The following SEPTIN7 variants were observed in gnomAD, a reference collection of about 807,000 sequenced individuals.
The protein encoded by SEPTIN7 is septin 7, also known as septin-7.
In SEPTIN7, 10 loss-of-function variants were observed where a neutral mutation model predicts 63.3. The observed-to-expected ratio is 0.16, with a 90% CI of 0.10 to 0.27. The LOEUF is 0.27. Among genes scored for constraint, SEPTIN7 ranks in the 10% least tolerant of loss-of-function variants. The pLI, the probability that SEPTIN7 is intolerant of heterozygous loss-of-function variation, is 1.00. For synonymous variants in SEPTIN7, 131 were observed against 165.3 expected (o/e 0.79, Z 1.59); for missense variants, 310 against 521.0 (o/e 0.59, Z 3.94).
rs1788585228 is a variant in SEPTIN7 at position 35,905,845 on chromosome 7, CT to C, written c.*1556del. The C allele has an allele frequency of 6.6e-6, 1 of 152,132 alleles. No homozygotes were observed. 9.4% of individuals were successfully genotyped at this position (152,132 alleles called of 1,614,324 possible). The stretch of plus-strand genomic sequence containing the variant: ...AACTGTAAAGAGGGTAGTGTCATTT[CT>C]TTTCTTAAGGTCAAGTGACATAGAT... On this transcript the variant is annotated 3_prime_UTR_variant, in exon 14 of 14. Transcript: ENST00000350320.
intron 3 of SEPTIN7, among the ~76,000 whole-genome samples, chr7:35,842,639 A>G (rs1784464097): frequency 6.6e-6 from 1 of 152,214 alleles, no homozygotes; most frequent in African/African-American, 2.4e-5. Context: ...ACTGAAAATT[A>G]TAGGTACAAA....
chr7:35,862,979 T>C (rs1562557737), intron 3 of SEPTIN7, among the ~76,000 whole-genome samples: 1 of 152,052 alleles, frequency 6.6e-6, no homozygotes, highest in Non-Finnish European at 1.5e-5. Flanking sequence ...GTAGAAGCAA[T>C]ATAAAAAGTA....
intron 12 of SEPTIN7, chr7:35,900,542 C>T (rs944046781): frequency 6.6e-6 from 1 of 152,162 alleles, no homozygotes; most frequent in Non-Finnish European, 1.5e-5. Flanking sequence ...GTCTCTACCT[C>T]TTCAGTAATT....
chr7:35,804,279 G>C (rs1418657919), intron 1 of SEPTIN7, among the ~76,000 whole-genome samples: 1 of 152,118 alleles, frequency 6.6e-6, no homozygotes, highest in Non-Finnish European at 1.5e-5. Flanking sequence ...GGTAGCATTC[G>C]GTGACTCTGC....
chr7:35,846,105 A>G (rs1427156747), intron 3 of SEPTIN7, among the ~76,000 whole-genome samples: 3 of 152,272 alleles, frequency 2.0e-5, no homozygotes, highest in Admixed American at 6.5e-5. Flanking sequence ...GGACATCACC[A>G]TTGTTAAATT....
At chr7:35,865,807 A>G (rs537907514) in intron 4 of SEPTIN7, among the ~76,000 whole-genome samples, 1 of 152,284 alleles carries the variant, frequency 6.6e-6, no homozygotes, top group South Asian at 2.1e-4. Context: ...GATATTGCAG[A>G]CATTTTCTCC....
intron 1 of SEPTIN7, among the ~76,000 whole-genome samples, chr7:35,803,880 T>C (rs77323823): frequency 0.016 from 2,398 of 152,326 alleles, 62 homozygotes; most frequent in African/African-American, 0.055. Flanking sequence ...ATGTAGACCA[T>C]TGAACTCTAC....
chr7:35,898,389 C>T lies in SEPTIN7; in HGVS notation c.1134+6C>T. ...TGAAGGACTCTGAAGCTGAGGTAATCAGTCTAATATCCCATCTCTTAGCAG... is the reference window on the plus strand; with the variant it reads ...TGAAGGACTCTGAAGCTGAGGTAATTAGTCTAATATCCCATCTCTTAGCAG... On this transcript the variant is annotated splice_donor_region_variant and intron_variant, in intron 12 of 13. Transcript: ENST00000350320. 1 of 1,534,680 alleles carries T rather than the reference C, an allele frequency of 6.5e-7. No homozygotes were observed. Among genetic ancestry groups the T allele is most frequent in the Non-Finnish European group, 8.8e-7 (1 of 1,132,928 alleles).
At chr7:35,900,710 A>G (rs1583654819) in intron 12 of SEPTIN7, 1 of 152,244 alleles carries the variant, frequency 6.6e-6, no homozygotes, top group Non-Finnish European at 1.5e-5. Context: ...TGCTAAAAGT[A>G]AATATTACGA....
rs34886896 is a variant in SEPTIN7 at position 35,904,805 on chromosome 7, GA to G, written c.*524del. ...CTTCCATTGTTTAAAAATACACATG[GA>G]AAAAAAAAAAACCCTATATGCTTAC... On this transcript the variant is annotated 3_prime_UTR_variant, in exon 14 of 14. Transcript: ENST00000350320. 0.94 allele frequency: 139,450 copies of G among 148,340 alleles called. 65,938 individuals are homozygous for G. The highest frequency in any genetic ancestry group is 0.99 in the Non-Finnish European group (66,243 of 66,798). The allele number at this position is 148,340 out of a possible 1,614,324, so 9.2% of individuals were successfully genotyped here.
intron 4 of SEPTIN7, among the ~76,000 whole-genome samples, chr7:35,869,641 A>G (rs1786026997): frequency 6.6e-6 from 1 of 152,228 alleles, no homozygotes; most frequent in Non-Finnish European, 1.5e-5. Flanking sequence ...ACACTGTATA[A>G]TAAACATTGT....
At chr7:35,908,246 C>A (rs941222914), downstream of SEPTIN7, among the ~76,000 whole-genome samples, 22 of 152,180 alleles carry the variant, frequency 1.4e-4, no homozygotes, top group Non-Finnish European at 2.6e-4. Context: ...GGGATTCATC[C>A]ACAGAATGTT....
At chr7:35,844,042 G>A (rs191997339) in intron 3 of SEPTIN7, among the ~76,000 whole-genome samples, 2 of 152,262 alleles carry the variant, frequency 1.3e-5, no homozygotes, top group East Asian at 1.9e-4. Context: ...TAGCATGCTT[G>A]TCCTGGTTCA....
intron 1 of SEPTIN7, among the ~76,000 whole-genome samples, chr7:35,802,987 G>A (rs988201391): frequency 6.6e-6 from 1 of 152,118 alleles, no homozygotes; most frequent in Non-Finnish European, 1.5e-5. Flanking sequence ...ACAACATGAT[G>A]GAACCAGGTC....
At chr7:35,829,385 A>G (rs998690135) in intron 1 of SEPTIN7, among the ~76,000 whole-genome samples, 2 of 151,748 alleles carry the variant, frequency 1.3e-5, no homozygotes, top group African/African-American at 4.8e-5. Flanking sequence ...CAGGCAATCC[A>G]CCTGTCTCGG....
intron 6 of SEPTIN7, among the ~76,000 whole-genome samples, chr7:35,874,764 T>G (rs1007103810): frequency 6.6e-6 from 1 of 152,166 alleles, no homozygotes; most frequent in Non-Finnish European, 1.5e-5. Flanking sequence ...ACTGCCAGAT[T>G]GTAGTGGAGT....
At chr7:35,873,941 C>T in intron 6 of SEPTIN7, 166 bp downstream of exon 6, 1 of 590,496 alleles carries the variant, frequency 1.7e-6, no homozygotes. Flanking sequence ...CATTTTAAGT[C>T]CTATATAAGC....
intron 11 of SEPTIN7, among the ~76,000 whole-genome samples, chr7:35,893,500 G>T (rs1262552887): frequency 6.6e-6 from 1 of 152,100 alleles, no homozygotes. Flanking sequence ...ATAATATCGT[G>T]TGTCTATACC....
chr7:35,880,206 TTC>T (rs1280949654), intron 7 of SEPTIN7, among the ~76,000 whole-genome samples: 2 of 131,636 alleles, frequency 1.5e-5, no homozygotes, highest in African/African-American at 2.9e-5. Flanking sequence ...CTCTTTTCTT[TTC>T]TTTTTTTTTC....
Sources: gnomAD v4.1 joint callset for allele counts (sites outside exome capture counted in the v4.1 genomes callset) on GRCh38, gnomAD v4.1.1 for gene constraint, MANE v1.5 for transcripts, NCBI Gene and HGNC (gene_info 2026-07-23, HGNC 2026-07-21) for gene names.